LHFPL6: variants seen among roughly 807,000 people sequenced by gnomAD.
LHFPL6 encodes the protein LHFPL tetraspan subfamily member 6 protein.
Under a neutral mutation model 20.6 loss-of-function variants are expected in LHFPL6, and 9 were observed. The observed-to-expected ratio is 0.44, with a 90% CI of 0.26 to 0.76. LHFPL6 has a LOEUF of 0.76. Among genes scored for constraint, LHFPL6 ranks in the 30% least tolerant of loss-of-function variants. LHFPL6 has a pLI of 0.20. For missense variants in LHFPL6, 218 were observed against 253.5 expected, an observed-to-expected ratio of 0.86 and a Z score of 0.95; for synonymous variants, 105 against 98.7, an observed-to-expected ratio of 1.06 and a Z score of -0.38.
intron 2 of LHFPL6, among the ~76,000 whole-genome samples, chr13:39,477,228 C>G (rs1440287321): frequency 2.0e-5 from 3 of 152,100 alleles, no homozygotes; most frequent in Non-Finnish European, 4.4e-5. Flanking sequence ...GACTCTGAAG[C>G]CTTTTCTAAC....
At chr13:39,397,738 C>G (rs554747732) in intron 2 of LHFPL6, among the ~76,000 whole-genome samples, 1 of 152,162 alleles carries the variant, frequency 6.6e-6, no homozygotes, top group Non-Finnish European at 1.5e-5. Context: ...CGGAAAGAAG[C>G]TCTTTGGAAA....
Position 39,343,809 on chromosome 13 carries a change from G to T in LHFPL6, c.*127C>A. On this transcript the variant is annotated 3_prime_UTR_variant, in exon 4 of 4. Transcript: ENST00000379589. ...TATATCATGTTCCTGATTTTATCGG[G>T]TTTCATTTTATTAGCATTGTATTGG... 1 of 601,576 alleles carries T rather than the reference G, an allele frequency of 1.7e-6. No individual in the cohort carries two copies. The highest frequency in any genetic ancestry group is 1.8e-5 in the African/African-American group (1 of 54,204). 37.3% of individuals were successfully genotyped at this position (601,576 alleles called of 1,614,324 possible). A position where few individuals can be genotyped will look rare whatever the true frequency, so the allele number is the denominator to read the frequency against.
chr13:39,524,281 AGGGTTTTGG>A (rs1202171737), intron 2 of LHFPL6, among the ~76,000 whole-genome samples: 2 of 151,622 alleles, frequency 1.3e-5, no homozygotes, highest in Non-Finnish European at 2.9e-5. Flanking sequence ...TTTAATCAGC[AGGGTTTTGG>A]GGGTTTTGTT....
chr13:39,368,739 G>A (rs1870076797), intron 3 of LHFPL6, among the ~76,000 whole-genome samples: 1 of 152,188 alleles, frequency 6.6e-6, no homozygotes, highest in Admixed American at 6.5e-5. Context: ...ATTAATGACT[G>A]CAATGAATAA....
intron 2 of LHFPL6, among the ~76,000 whole-genome samples, chr13:39,534,152 C>A (rs762314524): frequency 6.6e-6 from 1 of 152,110 alleles, no homozygotes; most frequent in Non-Finnish European, 1.5e-5. Context: ...AACCTTGAGG[C>A]AATTTGGCAG....
chr13:39,521,898 C>A (rs941663270), intron 2 of LHFPL6, among the ~76,000 whole-genome samples: 4 of 152,092 alleles, frequency 2.6e-5, no homozygotes, highest in African/African-American at 9.7e-5. Flanking sequence ...AAAAGGAAAA[C>A]CAATTAGTGA....
chr13:39,404,747 A>G (rs764964950), intron 2 of LHFPL6, among the ~76,000 whole-genome samples: 4 of 152,130 alleles, frequency 2.6e-5, no homozygotes, highest in Non-Finnish European at 5.9e-5. Flanking sequence ...ATCCTTAGCT[A>G]TGCCATCTTT....
intron 2 of LHFPL6, among the ~76,000 whole-genome samples, chr13:39,574,838 G>C (rs545042448): frequency 7.9e-5 from 12 of 152,258 alleles, no homozygotes; most frequent in Middle Eastern, 3.4e-3. Flanking sequence ...TTGGGAGGCC[G>C]AGATGGGTGG....
intron 2 of LHFPL6, among the ~76,000 whole-genome samples, chr13:39,575,406 TATTAAA>T (rs1222616909): frequency 2.0e-5 from 3 of 152,230 alleles, no homozygotes; most frequent in African/African-American, 7.2e-5. Context: ...TCTTTATCTA[TATTAAA>T]ATTAAAGATT....
At chr13:39,476,295 G>T (rs1187334995) in intron 2 of LHFPL6, among the ~76,000 whole-genome samples, 3 of 152,130 alleles carry the variant, frequency 2.0e-5, no homozygotes, top group Admixed American at 6.5e-5. Context: ...CTCCCAAAGC[G>T]CTGGGATTAC....
At chr13:39,363,071 C>T (rs1008117657) in intron 3 of LHFPL6, among the ~76,000 whole-genome samples, 3 of 152,164 alleles carry the variant, frequency 2.0e-5, no homozygotes, top group Admixed American at 2.0e-4. Context: ...AGGGGTTTTT[C>T]CAGCTGATAC....
chr13:39,410,822 G>A (rs548245396), intron 2 of LHFPL6, among the ~76,000 whole-genome samples: 1 of 152,190 alleles, frequency 6.6e-6, no homozygotes, highest in Admixed American at 6.5e-5. Flanking sequence ...TTCCTTTTCC[G>A]AAGGTTATTG....
chr13:39,420,714 T>G (rs1425748483), intron 2 of LHFPL6, among the ~76,000 whole-genome samples: 1 of 152,190 alleles, frequency 6.6e-6, no homozygotes, highest in African/African-American at 2.4e-5. Context: ...CTTTCCTTCC[T>G]TGTAAGAGAT....
intron 2 of LHFPL6, among the ~76,000 whole-genome samples, chr13:39,581,242 T>C (rs1022971765): frequency 1.3e-5 from 2 of 152,172 alleles, no homozygotes; most frequent in African/African-American, 2.4e-5. Flanking sequence ...ATCTGCCTCA[T>C]CTGGACTGCA....
intron 3 of LHFPL6, among the ~76,000 whole-genome samples, chr13:39,367,719 G>A (rs1418809786): frequency 6.6e-6 from 1 of 152,110 alleles, no homozygotes; most frequent in Non-Finnish European, 1.5e-5. Context: ...CCAGAAAAAA[G>A]CACATGTCCA....
At chr13:39,496,067 G>A (rs1024957393) in intron 2 of LHFPL6, among the ~76,000 whole-genome samples, 4 of 152,166 alleles carry the variant, frequency 2.6e-5, no homozygotes, top group African/African-American at 7.2e-5. Context: ...GGAAAAGGGA[G>A]ATTAGAGAAG....
At chr13:39,375,054 A>G (rs1870251154) in intron 3 of LHFPL6, among the ~76,000 whole-genome samples, 1 of 152,238 alleles carries the variant, frequency 6.6e-6, no homozygotes, top group Non-Finnish European at 1.5e-5. Context: ...AGAGACACGT[A>G]TTCTCCAATA....
At chr13:39,521,567 T>A (rs1163050848) in intron 2 of LHFPL6, among the ~76,000 whole-genome samples, 2 of 152,052 alleles carry the variant, frequency 1.3e-5, no homozygotes, top group Non-Finnish European at 2.9e-5. Context: ...GGGCTGCTGA[T>A]AAGATATCCA....
intron 2 of LHFPL6, among the ~76,000 whole-genome samples, chr13:39,487,666 G>C (rs1260692052): frequency 6.6e-6 from 1 of 152,226 alleles, no homozygotes. Flanking sequence ...GCACGATACA[G>C]TGCATTCAGG....
Sources: gnomAD v4.1 joint callset for allele counts (sites outside exome capture counted in the v4.1 genomes callset) on GRCh38, gnomAD v4.1.1 for gene constraint, MANE v1.5 for transcripts, NCBI Gene and HGNC (gene_info 2026-07-23, HGNC 2026-07-21) for gene names.